The following KLK7 variants were observed in gnomAD, a reference collection of about 807,000 sequenced individuals.
The protein encoded by KLK7 is kallikrein-7.
Under a neutral mutation model 21.0 loss-of-function variants are expected in KLK7, and 17 were observed. The ratio of observed to expected loss-of-function variants is 0.81; its 90% CI spans 0.55 to 1.21. The LOEUF is 1.21. Ranked by LOEUF, KLK7 falls within the 50% of genes most tolerant of loss-of-function variation. The pLI is 0.00. For missense variants in KLK7, 330 were observed against 322.8 expected, an observed-to-expected ratio of 1.02 and a Z score of -0.17; for synonymous variants, 151 against 134.6, an observed-to-expected ratio of 1.12 and a Z score of -0.85.
intron 3 of KLK7, among the ~76,000 whole-genome samples, chr19:50,980,821 C>G (rs1163818983): frequency 8.0e-6 from 1 of 125,774 alleles, no homozygotes; most frequent in Non-Finnish European, 1.6e-5. Flanking sequence ...GGGACAGAGA[C>G]CCAGAGAGAG....
At position 50,983,003 on chromosome 19, in the gene KLK7, T is replaced by G. The variant is rs531958112; in HGVS notation, c.-58-546A>C. 8.1e-3 allele frequency among the ~76,000 whole-genome samples: 124 copies of G among 15,288 alleles called. 14 individuals are homozygous for G. Among genetic ancestry groups the G allele is most frequent in the African/African-American group, 0.025 (114 of 4,640 alleles). 10.0% of individuals were successfully genotyped at this position (15,288 alleles called of 152,430 possible). A position where few individuals can be genotyped will look rare whatever the true frequency, so the allele number is the denominator to read the frequency against. ...ACCTAGGAGTCCAGGTCCAAGTCCCTCCTCCCTCAGGCTCAGGAGTCCAGG... is the reference window on the plus strand; with the variant it reads ...ACCTAGGAGTCCAGGTCCAAGTCCCGCCTCCCTCAGGCTCAGGAGTCCAGG... On this transcript the variant is annotated intron_variant, in intron 1 of 5. Transcript: ENST00000595820.
At chr19:50,983,501 C>T (rs1381145766) in intron 1 of KLK7, among the ~76,000 whole-genome samples, 1 of 145,488 alleles carries the variant, frequency 6.9e-6, no homozygotes, top group South Asian at 2.3e-4. Context: ...AGTCGAGACC[C>T]CCAGCCCCTC....
At chr19:50,983,927 CTGGGCCGT>C, upstream of KLK7, 1 of 1,288,832 alleles carries the variant, frequency 7.8e-7, no homozygotes, top group Non-Finnish European at 1.0e-6. Context: ...CATCCCTCTG[CTGGGCCGT>C]CCTCTTATAT....
At chr19:50,979,726 G>T (rs1015334532) in intron 5 of KLK7, 62 bp downstream of exon 5, 1 of 1,520,926 alleles carries the variant, frequency 6.6e-7, no homozygotes, top group Non-Finnish European at 8.9e-7. Context: ...GTCAAGCTCT[G>T]TCCCTGGGGC....
intron 3 of KLK7, among the ~76,000 whole-genome samples, chr19:50,981,537 G>T (rs1275753904): frequency 7.5e-6 from 1 of 132,804 alleles, no homozygotes; most frequent in Admixed American, 7.9e-5. Flanking sequence ...AGAGAGAGGG[G>T]AACAGAGATC....
At chr19:50,978,747 T>C (rs1383020849) in intron 5 of KLK7, among the ~76,000 whole-genome samples, 12 of 100,304 alleles carry the variant, frequency 1.2e-4, no homozygotes, top group African/African-American at 4.9e-4. Context: ...AGGAGAGAGA[T>C]AGAAGAAAGA....
chr19:50,979,627 C>T (rs997694030), intron 5 of KLK7, among the ~76,000 whole-genome samples, 161 bp downstream of exon 5: 7 of 152,094 alleles, frequency 4.6e-5, no homozygotes, highest in Non-Finnish European at 5.9e-5. Context: ...AACTCCCACC[C>T]CTGACCTAGG....
chr19:50,980,432 TC>T lies in KLK7; in HGVS notation c.276del (p.Ile93SerfsTer24). 6.2e-7 allele frequency: 1 copy of T among 1,613,920 alleles called. No homozygotes were observed. Among genetic ancestry groups the T allele is most frequent in the South Asian group, 1.1e-5 (1 of 91,060 alleles). ...TGGCGGAATGACTTCGAGGCCTTGA[TC>T]CTCTGAGCTCTCCTGTCGCCCAGCG... ...SDTLGDRRAQ[R>X]IKASKSFRHP... is the part of the protein sequence containing the mutation. On this transcript the variant is annotated frameshift_variant, in exon 4 of 6. Transcript: ENST00000595820. LOFTEE classifies it high-confidence loss of function.
At chr19:50,984,025 G>C, upstream of KLK7, 4 of 857,000 alleles carry the variant, frequency 4.7e-6, no homozygotes, top group Non-Finnish European at 6.6e-6. Flanking sequence ...CTGCATTTGC[G>C]GTTCTGGTTA....
rs2122233939 is a variant in KLK7 at position 50,976,898 on chromosome 19, A to T, written c.*638T>A. 6.6e-6 allele frequency: 1 copy of T among 152,374 alleles called. No individual in the cohort carries two copies. The highest frequency in any genetic ancestry group is 1.9e-4 in the East Asian group (1 of 5,182). 9.4% of individuals were successfully genotyped at this position (152,374 alleles called of 1,614,324 possible). On this transcript the variant is annotated 3_prime_UTR_variant, in exon 6 of 6. Coordinates refer to ENST00000595820, the MANE Select transcript of KLK7 (RefSeq NM_005046.4). The stretch of plus-strand genomic sequence containing the variant: ...CTCTAGTAAAAATACACAAAAAATT[A>T]GCCTGGTGTGGTGGTGCACACCTGT...
At chr19:50,979,967 G>C (rs753256035) in intron 4 of KLK7, 43 bp from the exon 5 acceptor site, 2 of 1,569,822 alleles carry the variant, frequency 1.3e-6, no homozygotes, top group Non-Finnish European at 1.7e-6. Context: ...GAGAGGATGG[G>C]GGCGAGGACC....
At chr19:50,983,710 C>G (rs1374850307) in intron 1 of KLK7, 141 bp downstream of exon 1, 1 of 1,150,146 alleles carries the variant, frequency 8.7e-7, no homozygotes, top group Non-Finnish European at 1.1e-6. Flanking sequence ...CTAAAAGGCC[C>G]CAAATTGCAG....
chr19:50,981,518 C>T (rs991493180), intron 3 of KLK7, among the ~76,000 whole-genome samples: 7 of 125,232 alleles, frequency 5.6e-5, no homozygotes, highest in Middle Eastern at 6.5e-3. Context: ...GAATGGGGGA[C>T]AGAGACACAG....
chr19:50,979,497 G>A (rs1280207449), intron 5 of KLK7, among the ~76,000 whole-genome samples: 1 of 152,134 alleles, frequency 6.6e-6, no homozygotes, highest in Non-Finnish European at 1.5e-5. Flanking sequence ...GGTTTTTGGT[G>A]CCCCCTTAAG....
chr19:50,983,782 C>T, intron 1 of KLK7, 69 bp downstream of exon 1: 1 of 1,281,200 alleles, frequency 7.8e-7, no homozygotes, highest in Non-Finnish European at 1.0e-6. Flanking sequence ...CTCTCGAGAG[C>T]AGAGTCAGGC....
chr19:50,983,771 C>T (rs1239503240), intron 1 of KLK7, 80 bp downstream of exon 1: 1 of 1,275,814 alleles, frequency 7.8e-7, no homozygotes. Context: ...GCAGCCCCTA[C>T]CTCTCGAGAG....
At position 50,983,810 on chromosome 19, in the gene KLK7, CT is replaced by C. The variant is rs1308383770; in HGVS notation, c.-59+40del. On this transcript the variant is annotated intron_variant, in intron 1 of 5. Coordinates refer to ENST00000595820, the MANE Select transcript of KLK7 (RefSeq NM_005046.4). ...AGTCAGGCTTGGAGCCAGCATCACC[CT>C]CTCCCCTACAGGTGCACCCTTGATG... The C allele has an allele frequency of 2.3e-6, 3 of 1,289,124 alleles. No individual in the cohort carries two copies. In the Admixed American group the frequency reaches 6.9e-5, roughly 30 times the overall value. The allele number at this position is 1,289,124 out of a possible 1,614,324, so 79.9% of individuals were successfully genotyped here.
rs537588289 is a variant in KLK7 at position 50,979,553 on chromosome 19, C to A, written c.606+235G>T. Among the ~76,000 whole-genome samples the A allele has an allele frequency of 1.4e-4, 22 of 152,314 alleles. 1 individual carries two copies. In the South Asian group the frequency reaches 4.6e-3, roughly 32 times the overall value. ...CCTCAGTCTCCTTCCCTGGTCCCAC[C>A]CCCACTTTCTCACCCCTATTAAACT... On this transcript the variant is annotated intron_variant, in intron 5 of 5. Coordinates refer to ENST00000595820, the MANE Select transcript of KLK7 (RefSeq NM_005046.4).
At chr19:50,980,510 A>T (rs1417531992) in intron 3 of KLK7, 23 bp from the exon 4 acceptor site, 2 of 1,612,784 alleles carry the variant, frequency 1.2e-6, no homozygotes, top group African/African-American at 2.7e-5. Context: ...ACATTCACAG[A>T]TTCAGAAGAG....
Sources: allele counts gnomAD v4.1 joint callset (sites outside exome capture counted in the v4.1 genomes callset), GRCh38; gene constraint gnomAD v4.1.1; transcripts MANE v1.5; gene names NCBI Gene and HGNC (gene_info 2026-07-23, HGNC 2026-07-21).